The following ZNF69 variants were observed in gnomAD, a reference collection of about 807,000 sequenced individuals.
ZNF69 encodes the protein zinc finger protein 69.
ZNF69 carries 47 observed loss-of-function variants against 50.9 expected under a neutral mutation model. The observed-to-expected ratio is 0.92, with a 90% CI of 0.73 to 1.18. The LOEUF is 1.18. ZNF69 is among the 50% of genes most tolerant of loss of function. The probability of loss-of-function intolerance (pLI) is 0.00; values close to 1 mark genes in which losing one functional copy is unlikely to be tolerated. For missense variants in ZNF69, 717 were observed against 675.1 expected (o/e 1.06, Z -0.69); for synonymous variants, 216 against 223.1 (o/e 0.97, Z 0.29).
At chr19:11,974,070 TTTCTTTCTTTC>T in the ZNF69 span, among the ~76,000 whole-genome samples, 2 of 58,776 alleles carry the variant, frequency 3.4e-5, no homozygotes, top group Non-Finnish European at 7.3e-5. Flanking sequence ...CCTTCTTTCT[TTTCTTTCTTTC>T]TTTCTTTCTT....
chr19:11,975,053 CTGA>C, the ZNF69 span, among the ~76,000 whole-genome samples: 4 of 151,692 alleles, frequency 2.6e-5, no homozygotes, highest in Non-Finnish European at 4.4e-5. Flanking sequence ...TGCAATTATC[CTGA>C]TGTTTCTTGC....
the ZNF69 span, chr19:11,925,110 C>T: frequency 1.4e-6 from 2 of 1,434,924 alleles, no homozygotes; most frequent in East Asian, 2.5e-5. Flanking sequence ...TCGCTTTCCT[C>T]ACCTTCCTCG....
At chr19:11,935,895 C>G in the ZNF69 span, among the ~76,000 whole-genome samples, 1 of 152,148 alleles carries the variant, frequency 6.6e-6, no homozygotes, top group Admixed American at 6.5e-5. Context: ...GTGTGATGTT[C>G]CCTGCCCTGT....
chr19:11,937,484 T>C, the ZNF69 span, among the ~76,000 whole-genome samples: 12 of 146,584 alleles, frequency 8.2e-5, no homozygotes, highest in East Asian at 2.3e-3. Context: ...TTTCTTTTTT[T>C]CTTTCCTTTT....
the ZNF69 span, among the ~76,000 whole-genome samples, chr19:11,919,523 C>T: frequency 4.0e-4 from 61 of 152,020 alleles, no homozygotes; most frequent in Admixed American, 2.6e-4. Flanking sequence ...TTTGGGAGGC[C>T]GAGGCATGAG....
chr19:11,934,977 A>G, the ZNF69 span, among the ~76,000 whole-genome samples: 5 of 146,628 alleles, frequency 3.4e-5, 1 homozygote, highest in African/African-American at 1.3e-4. Context: ...TCAGATCAAG[A>G]CCATCCTGGC....
At chr19:11,977,313 A>G in the ZNF69 span, 1 of 1,606,208 alleles carries the variant, frequency 6.2e-7, no homozygotes, top group South Asian at 1.1e-5. Flanking sequence ...ATAGAATCTA[A>G]TAATTTTTTC....
the ZNF69 span, chr19:11,925,114 T>A: frequency 6.9e-7 from 1 of 1,456,066 alleles, no homozygotes; most frequent in African/African-American, 1.4e-5. Context: ...TTTCCTCACC[T>A]TCCTCGCTGC....
the ZNF69 span, among the ~76,000 whole-genome samples, chr19:11,969,911 C>G: frequency 6.6e-6 from 1 of 152,148 alleles, no homozygotes; most frequent in Non-Finnish European, 1.5e-5. Context: ...CTTCAGTACA[C>G]CCTCCTATCT....
At chr19:11,900,885 C>T (rs555825052) in intron 1 of ZNF69, among the ~76,000 whole-genome samples, 1 of 152,046 alleles carries the variant, frequency 6.6e-6, no homozygotes, top group Non-Finnish European at 1.5e-5. Context: ...GTGTGTGAAA[C>T]CTTATTGCCA....
intron 3 of ZNF69, 25 bp downstream of exon 3, chr19:11,903,990 C>T (rs758534583): frequency 1.7e-5 from 28 of 1,607,988 alleles, no homozygotes; most frequent in Non-Finnish European, 2.4e-5. Context: ...CAAGACAAAG[C>T]AGTGTCTCTC....
At chr19:11,890,714 C>G (rs1165274254) in intron 1 of ZNF69, among the ~76,000 whole-genome samples, 1 of 152,148 alleles carries the variant, frequency 6.6e-6, no homozygotes, top group African/African-American at 2.4e-5. Flanking sequence ...CCTGCCTCGG[C>G]CTCCCAAAGT....
rs944580004 is a variant in ZNF69, at chr19:11,893,823, A to G, written c.63+5837A>G. ...ACATAACCAATTCTTGGGGTGCTCA[A>G]CTTCTCTCTCCCAACTCCAATTTCC... On this transcript the variant is annotated intron_variant, in intron 1 of 3. Coordinates refer to ENST00000429654, the MANE Select transcript of ZNF69 (RefSeq NM_001364730.1). Among the ~76,000 whole-genome samples, 11 of 152,262 alleles carry G rather than the reference A, an allele frequency of 7.2e-5. No homozygotes were observed. The East Asian group carries it at 1.9e-3, about 27-fold the overall frequency.
the ZNF69 span, among the ~76,000 whole-genome samples, chr19:11,971,061 G>A: frequency 6.6e-6 from 1 of 152,178 alleles, no homozygotes; most frequent in Non-Finnish European, 1.5e-5. Context: ...AAGCTGCAGT[G>A]TATAGTAGGG....
intron 1 of ZNF69, among the ~76,000 whole-genome samples, chr19:11,892,251 A>G (rs1477360545): frequency 6.6e-6 from 1 of 151,040 alleles, no homozygotes; most frequent in Admixed American, 6.6e-5. Context: ...AAGTGCTGCG[A>G]TCACAGACGT....
At chr19:11,978,716 A>C in the ZNF69 span, 1 of 1,613,942 alleles carries the variant, frequency 6.2e-7, no homozygotes, top group East Asian at 2.2e-5. Flanking sequence ...GTGGGAAAGC[A>C]TTCCATAGTT....
At chr19:11,953,959 A>G in the ZNF69 span, among the ~76,000 whole-genome samples, 1 of 152,234 alleles carries the variant, frequency 6.6e-6, no homozygotes. Context: ...CTGGTTATAT[A>G]TGGAAAATAC....
the ZNF69 span, chr19:11,949,829 G>A: frequency 6.2e-7 from 1 of 1,612,718 alleles, no homozygotes; most frequent in Non-Finnish European, 8.5e-7. Context: ...AAAGCCTTCA[G>A]TTGTGCCTCA....
chr19:11,978,463 C>G, the ZNF69 span: 1 of 1,614,054 alleles, frequency 6.2e-7, no homozygotes, highest in African/African-American at 1.3e-5. Flanking sequence ...TGTGGAAAAA[C>G]CTTTATTTCC....
Sources: allele counts gnomAD v4.1 joint callset (sites outside exome capture counted in the v4.1 genomes callset), GRCh38; gene constraint gnomAD v4.1.1; transcripts MANE v1.5; gene names NCBI Gene and HGNC (gene_info 2026-07-23, HGNC 2026-07-21).